GPC5: variants seen among roughly 807,000 people sequenced by gnomAD.
GPC5 encodes the protein glypican 5, also known as glypican-5.
GPC5 carries 47 observed loss-of-function variants against 53.9 expected under a neutral mutation model. The observed-to-expected ratio is 0.87, with a 90% CI of 0.69 to 1.11. The LOEUF is 1.11. Among genes scored for constraint, GPC5 ranks in the 50% most tolerant of loss-of-function variants. The pLI, the probability that GPC5 is intolerant of heterozygous loss-of-function variation, is 0.00. For synonymous variants in GPC5, 286 were observed against 263.3 expected, an observed-to-expected ratio of 1.09 and a Z score of -0.84; for missense variants, 748 against 713.1, an observed-to-expected ratio of 1.05 and a Z score of -0.56.
chr13:92,703,760 T>A (rs923415188), intron 7 of GPC5, among the ~76,000 whole-genome samples: 8 of 151,770 alleles, frequency 5.3e-5, no homozygotes, highest in Non-Finnish European at 1.5e-5. Context: ...GGTATACAAA[T>A]CTAAAATGTA....
chr13:91,920,891 T>G lies in GPC5; in HGVS notation c.1401+12834T>G, dbSNP rs145174608. On this transcript the variant is annotated intron_variant, in intron 6 of 7. Transcript: ENST00000377067. ...GGGAGGATATGCAACTTGTACCACTTTATCCTTTTTTTAAATCTCTCTCTC... is the reference window on the plus strand; with the variant it reads ...GGGAGGATATGCAACTTGTACCACTGTATCCTTTTTTTAAATCTCTCTCTC... 3.0e-3 allele frequency among the ~76,000 whole-genome samples: 446 copies of G among 147,308 alleles called. 5 individuals carry two copies. The highest frequency in any genetic ancestry group is 0.011 in the African/African-American group (434 of 40,650).
intron 2 of GPC5, among the ~76,000 whole-genome samples, chr13:91,574,469 A>T (rs927008957): frequency 3.3e-5 from 5 of 152,134 alleles, no homozygotes; most frequent in Admixed American, 3.3e-4. Flanking sequence ...GTTTGATTCT[A>T]CCAGGTCAAC....
chr13:92,530,341 A>G (rs1361501236), intron 7 of GPC5, among the ~76,000 whole-genome samples: 1 of 152,126 alleles, frequency 6.6e-6, no homozygotes. Flanking sequence ...AGCTCTCTGC[A>G]TTTATTCAAG....
At chr13:91,790,353 T>C (rs2037945323) in intron 5 of GPC5, among the ~76,000 whole-genome samples, 1 of 152,228 alleles carries the variant, frequency 6.6e-6, no homozygotes, top group African/African-American at 2.4e-5. Flanking sequence ...AATAGTATTT[T>C]AGATGTAAGT....
At chr13:91,662,080 G>A (rs1463620752) in intron 2 of GPC5, among the ~76,000 whole-genome samples, 1 of 152,104 alleles carries the variant, frequency 6.6e-6, no homozygotes, top group Non-Finnish European at 1.5e-5. Flanking sequence ...CTATGAGATT[G>A]GATGAGATCA....
chr13:92,013,096 G>A (rs181078533), intron 6 of GPC5, among the ~76,000 whole-genome samples: 6 of 152,280 alleles, frequency 3.9e-5, no homozygotes, highest in East Asian at 3.9e-4. Context: ...CCCTTGCCTC[G>A]TTGCATGTGG....
chr13:91,820,096 CATT>C (rs1278443062), intron 5 of GPC5, among the ~76,000 whole-genome samples: 16 of 151,920 alleles, frequency 1.1e-4, no homozygotes, highest in Admixed American at 7.9e-4. Flanking sequence ...TTGTCATTGT[CATT>C]GTTGGTGGTG....
intron 2 of GPC5, among the ~76,000 whole-genome samples, chr13:91,665,339 G>C (rs749870975): frequency 5.3e-5 from 8 of 152,140 alleles, no homozygotes; most frequent in Non-Finnish European, 7.4e-5. Flanking sequence ...TCCCTTGAAG[G>C]CTAGAAATAT....
At chr13:92,241,575 G>A (rs1020748641) in intron 7 of GPC5, 27 of 152,116 alleles carry the variant, frequency 1.8e-4, no homozygotes, top group Admixed American at 1.8e-3. Context: ...ACCTTAGATG[G>A]TTTTATTTCT....
intron 2 of GPC5, among the ~76,000 whole-genome samples, chr13:91,533,588 A>G (rs997990845): frequency 6.6e-6 from 1 of 152,196 alleles, no homozygotes; most frequent in African/African-American, 2.4e-5. Context: ...CAAGATAGAT[A>G]ATGAATAGCA....
At chr13:92,582,013 C>T (rs983796746) in intron 7 of GPC5, among the ~76,000 whole-genome samples, 1 of 152,152 alleles carries the variant, frequency 6.6e-6, no homozygotes, top group Non-Finnish European at 1.5e-5. Context: ...TCTCTTCACT[C>T]TGTTGACTGT....
At chr13:91,819,455 G>T (rs988532090) in intron 5 of GPC5, among the ~76,000 whole-genome samples, 3 of 151,912 alleles carry the variant, frequency 2.0e-5, no homozygotes, top group Admixed American at 2.0e-4. Context: ...CACCACACCC[G>T]GCCATATGCT....
intron 7 of GPC5, among the ~76,000 whole-genome samples, chr13:92,464,483 T>A (rs1757845816): frequency 1.3e-5 from 2 of 152,100 alleles, no homozygotes; most frequent in Admixed American, 1.3e-4. Flanking sequence ...GCTATTTTTA[T>A]CTTCATCCAT....
intron 2 of GPC5, among the ~76,000 whole-genome samples, chr13:91,582,903 A>T (rs1008519407): frequency 3.3e-5 from 5 of 152,162 alleles, no homozygotes; most frequent in Non-Finnish European, 5.9e-5. Context: ...CGGAAGGCTG[A>T]GGCAGGAGAA....
At chr13:91,501,021 C>G (rs560952657) in intron 2 of GPC5, among the ~76,000 whole-genome samples, 9 of 152,200 alleles carry the variant, frequency 5.9e-5, no homozygotes, top group Admixed American at 3.3e-4. Context: ...CCTCCCCAGC[C>G]ACATGGAACT....
At chr13:91,977,095 G>A (rs986093159) in intron 6 of GPC5, among the ~76,000 whole-genome samples, 3 of 151,464 alleles carry the variant, frequency 2.0e-5, no homozygotes, top group African/African-American at 7.3e-5. Context: ...ATAACCAAGA[G>A]AGTCAATTTT....
At chr13:92,545,788 T>C (rs929562750) in intron 7 of GPC5, among the ~76,000 whole-genome samples, 1 of 152,168 alleles carries the variant, frequency 6.6e-6, no homozygotes, top group Non-Finnish European at 1.5e-5. Context: ...TCTTGTAAAT[T>C]TGTTTGAGTT....
chr13:91,820,986 TAA>T (rs71272299), intron 5 of GPC5, among the ~76,000 whole-genome samples: 73 of 142,466 alleles, frequency 5.1e-4, no homozygotes, highest in African/African-American at 1.6e-3. Flanking sequence ...ACAAATAAAA[TAA>T]AAAAAAAAAA....
chr13:92,355,001 T>G (rs2139273097), intron 7 of GPC5, among the ~76,000 whole-genome samples: 1 of 151,544 alleles, frequency 6.6e-6, no homozygotes, highest in Non-Finnish European at 1.5e-5. Context: ...AATTTAATAT[T>G]AAATTAGCTT....
Sources: gnomAD v4.1 joint callset for allele counts (sites outside exome capture counted in the v4.1 genomes callset) on GRCh38, gnomAD v4.1.1 for gene constraint, MANE v1.5 for transcripts, NCBI Gene and HGNC (gene_info 2026-07-23, HGNC 2026-07-21) for gene names.